Variants in SERBP1 observed in about 807,000 individuals in gnomAD.
SERBP1 encodes SERPINE1 mRNA binding protein 1.
In SERBP1, 6 loss-of-function variants were observed where a neutral mutation model predicts 50.2. That is an observed-to-expected ratio of 0.12 (90% confidence interval 0.07 to 0.24). SERBP1 has a LOEUF of 0.24. Among genes scored for constraint, SERBP1 ranks in the 10% least tolerant of loss-of-function variants. The pLI is 1.00. For missense variants in SERBP1, 346 were observed against 524.9 expected, an observed-to-expected ratio of 0.66 and a Z score of 3.33; for synonymous variants, 168 against 182.8, an observed-to-expected ratio of 0.92 and a Z score of 0.65.
At position 67,412,884 on chromosome 1, in the gene SERBP1, C is replaced by G. The variant is rs992337482; in HGVS notation, c.*323G>C. 3.0e-6 allele frequency: 1 copy of G among 332,324 alleles called. No individual in the cohort carries two copies. The highest frequency in any genetic ancestry group is 8.1e-5 in the East Asian group (1 of 12,396). 20.6% of individuals were successfully genotyped at this position (332,324 alleles called of 1,614,324 possible). A position where few individuals can be genotyped will look rare whatever the true frequency, so the allele number is the denominator to read the frequency against. On this transcript the variant is annotated 3_prime_UTR_variant, in exon 8 of 8. Transcript: ENST00000361219. ...AAGCTTTAAACTGGTACACACTGTTCACACCTATATTTCAAGTTTGGAAAT... is the reference window on the plus strand; with the variant it reads ...AAGCTTTAAACTGGTACACACTGTTGACACCTATATTTCAAGTTTGGAAAT...
At position 67,412,182 on chromosome 1, in the gene SERBP1, A is replaced by C. The variant is rs1271425029; in HGVS notation, c.*1025T>G. On this transcript the variant is annotated 3_prime_UTR_variant, in exon 8 of 8. Coordinates refer to ENST00000361219, the MANE Select transcript of SERBP1 (RefSeq NM_001018069.2). ...GCCCTTTGGTTTTTGTTTTAGAACA[A>C]GGAAGGGTTAAATGGTGGCTGATTA... The C allele has an allele frequency of 6.6e-6, 1 of 152,668 alleles. No individual in the cohort carries two copies. Among genetic ancestry groups the C allele is most frequent in the African/African-American group, 2.4e-5 (1 of 41,462 alleles). The allele number at this position is 152,668 out of a possible 1,614,324, so 9.5% of individuals were successfully genotyped here. A position where few individuals can be genotyped will look rare whatever the true frequency, so the allele number is the denominator to read the frequency against.
chr1:67,416,547 A>C (rs2100417328), intron 6 of SERBP1, among the ~76,000 whole-genome samples: 1 of 152,350 alleles, frequency 6.6e-6, no homozygotes, highest in Admixed American at 6.5e-5. Context: ...AATACATCTA[A>C]GGAATCTTCT....
intron 7 of SERBP1, among the ~76,000 whole-genome samples, chr1:67,414,449 C>CA (rs2100411842): frequency 6.6e-6 from 1 of 152,238 alleles, no homozygotes; most frequent in African/African-American, 2.4e-5. Flanking sequence ...TCATCAAAAA[C>CA]AGACTCAATC....
chr1:67,419,262 AAC>A (rs1667128088), intron 6 of SERBP1, among the ~76,000 whole-genome samples: 1 of 152,260 alleles, frequency 6.6e-6, no homozygotes, highest in Non-Finnish European at 1.5e-5. Flanking sequence ...TTACTGTAAA[AAC>A]ACAGTATATA....
intron 6 of SERBP1, chr1:67,419,767 A>G (rs2100424896): frequency 2.1e-6 from 1 of 484,302 alleles, no homozygotes; most frequent in East Asian, 3.9e-5. Flanking sequence ...CTCCACTAAC[A>G]GCTTTTTAGG....
intron 6 of SERBP1, among the ~76,000 whole-genome samples, chr1:67,416,960 CCATAT>C (rs1224405884): frequency 6.6e-6 from 1 of 152,116 alleles, no homozygotes; most frequent in Non-Finnish European, 1.5e-5. Flanking sequence ...AACCAACCAA[CCATAT>C]AACAATAAAA....
At chr1:67,418,083 C>G (rs376167614) in intron 6 of SERBP1, among the ~76,000 whole-genome samples, 16 of 131,540 alleles carry the variant, frequency 1.2e-4, no homozygotes, top group African/African-American at 4.3e-4. Context: ...TAAAGTGATT[C>G]TCCTGCCTCA....
chr1:67,426,721 G>C (rs1667392440), intron 1 of SERBP1, among the ~76,000 whole-genome samples: 1 of 151,958 alleles, frequency 6.6e-6, no homozygotes. Context: ...AATACCAGCA[G>C]CCATTCATAA....
At chr1:67,424,850 G>T (rs773212665) in intron 4 of SERBP1, 38 bp downstream of exon 4, 1 of 1,500,574 alleles carries the variant, frequency 6.7e-7, no homozygotes, top group Non-Finnish European at 9.3e-7. Flanking sequence ...TTAACCTCTA[G>T]TTAGGTATAG....
chr1:67,419,329 C>G (rs1217320128), intron 6 of SERBP1, among the ~76,000 whole-genome samples: 3 of 152,218 alleles, frequency 2.0e-5, no homozygotes, highest in Non-Finnish European at 4.4e-5. Context: ...GACTTTCAGT[C>G]AACAGGTTAT....
At chr1:67,429,767 A>C in intron 1 of SERBP1, 5 of 502,140 alleles carry the variant, frequency 1.0e-5, no homozygotes, top group Non-Finnish European at 1.8e-5. Context: ...TGAGGCGGGA[A>C]GGGGATGGCT....
At chr1:67,423,357 A>G (rs1338318748) in intron 5 of SERBP1, among the ~76,000 whole-genome samples, 1 of 152,070 alleles carries the variant, frequency 6.6e-6, no homozygotes, top group African/African-American at 2.4e-5. Flanking sequence ...CTGTAATCCC[A>G]GCACTTTGGG....
Position 67,408,028 on chromosome 1 carries a change from G to C in SERBP1, c.*5179C>G, listed in dbSNP as rs1009749465. ...CTGAATCAGCTACAACTGCAAACAA[G>C]GTGATTAGTGCAAAGTAATACAACT... is the stretch of plus-strand genomic sequence containing the variant. On this transcript the variant is annotated 3_prime_UTR_variant, in exon 8 of 8. Transcript: ENST00000361219. The C allele has an allele frequency of 6.6e-6, 1 of 152,092 alleles. No individual in the cohort carries two copies. Among genetic ancestry groups the C allele is most frequent in the African/African-American group, 2.4e-5 (1 of 41,416 alleles). 9.4% of individuals were successfully genotyped at this position (152,092 alleles called of 1,614,324 possible). A position where few individuals can be genotyped will look rare whatever the true frequency, so the allele number is the denominator to read the frequency against.
At position 67,416,703 on chromosome 1, in the gene SERBP1, C is replaced by A. The variant is rs997941906; in HGVS notation, c.952-1364G>T. ...TTTGTGTTTTTATCCATGTTTTCAC[C>A]CCTTACATCAACTCATACTAGTATT... On this transcript the variant is annotated intron_variant, in intron 6 of 7. Coordinates refer to ENST00000361219, the MANE Select transcript of SERBP1 (RefSeq NM_001018069.2). Among the ~76,000 whole-genome samples the A allele has an allele frequency of 1.2e-4, 19 of 152,176 alleles. No homozygotes were observed. In the East Asian group the frequency reaches 3.7e-3, roughly 29 times the overall value.
At chr1:67,419,685 C>G (rs1272976293) in intron 6 of SERBP1, 1 of 274,400 alleles carries the variant, frequency 3.6e-6, no homozygotes, top group Non-Finnish European at 6.9e-6. Flanking sequence ...CCCAGTTTGG[C>G]AAGATTTCAA....
At chr1:67,420,241 G>A in intron 5 of SERBP1, 55 bp from the exon 6 acceptor site, 6 of 1,304,594 alleles carry the variant, frequency 4.6e-6, no homozygotes, top group Non-Finnish European at 6.3e-6. Flanking sequence ...TTACATAAAA[G>A]TATTTTAAAT....
chr1:67,428,256 T>C (rs552884916), intron 1 of SERBP1, among the ~76,000 whole-genome samples: 6 of 152,238 alleles, frequency 3.9e-5, no homozygotes, highest in Admixed American at 2.0e-4. Context: ...GAAAGACTCA[T>C]TGAACGGTGA....
At chr1:67,426,470 C>T (rs1667384021) in intron 1 of SERBP1, among the ~76,000 whole-genome samples, 185 bp from the exon 2 acceptor site, 1 of 152,020 alleles carries the variant, frequency 6.6e-6, no homozygotes, top group Non-Finnish European at 1.5e-5. Context: ...GACAATAAAC[C>T]TTCCAATCCA....
chr1:67,423,237 T>C (rs1208438907), intron 5 of SERBP1, among the ~76,000 whole-genome samples: 2 of 151,576 alleles, frequency 1.3e-5, no homozygotes, highest in Admixed American at 1.3e-4. Context: ...AGGCGGAGGT[T>C]GCAGTGAGCC....
Sources: gnomAD v4.1 joint callset for allele counts (sites outside exome capture counted in the v4.1 genomes callset) on GRCh38, gnomAD v4.1.1 for gene constraint, MANE v1.5 for transcripts, NCBI Gene and HGNC (gene_info 2026-07-23, HGNC 2026-07-21) for gene names.